PFKM: variants seen among roughly 807,000 people sequenced by gnomAD.
The protein encoded by PFKM is ATP-dependent 6-phosphofructokinase, muscle type.
In PFKM, 58 loss-of-function variants were observed where a neutral mutation model predicts 95.5. That is an observed-to-expected ratio of 0.61 (90% CI 0.49 to 0.76). The LOEUF is 0.76. PFKM is among the 30% of genes least tolerant of loss of function. The pLI, the probability that PFKM is intolerant of heterozygous loss-of-function variation, is 0.00. For synonymous variants in PFKM, 336 were observed against 357.2 expected (o/e 0.94, Z 0.67); for missense variants, 678 against 1,005.4 (o/e 0.67, Z 4.40).
intron 10 of PFKM, among the ~76,000 whole-genome samples, chr12:48,135,888 A>G (rs1950032906): frequency 6.6e-6 from 1 of 151,452 alleles, no homozygotes; most frequent in African/African-American, 2.4e-5. Context: ...CCTCATTATT[A>G]TTATTATTAT....
intron 3 of PFKM, among the ~76,000 whole-genome samples, chr12:48,109,155 A>G (rs1165856794): frequency 6.6e-6 from 1 of 152,214 alleles, no homozygotes; most frequent in African/African-American, 2.4e-5. Context: ...TAAGTTAAGA[A>G]CTTAATAATT....
chr12:48,119,500 G>A, intron 1 of PFKM, 94 bp downstream of exon 1: 1 of 708,596 alleles, frequency 1.4e-6, no homozygotes, highest in Non-Finnish European at 1.7e-6. Flanking sequence ...GAACTGAAAG[G>A]AGCAGAAAGG....
chr12:48,145,728 A>G lies in PFKM; in HGVS notation c.*20A>G. The G allele has an allele frequency of 6.2e-7, 1 of 1,612,984 alleles. No homozygotes were observed. The highest frequency in any genetic ancestry group is 1.1e-5 in the South Asian group (1 of 91,034). ...GTCTAAACCTCTCTGGAGTGAGGGG[A>G]ATAGATTACCTGATCATGGTCAGCT... On this transcript the variant is annotated 3_prime_UTR_variant, in exon 23 of 23. Transcript: ENST00000359794. The surrounding 1 kb of genome is among the most constrained non-coding windows in gnomAD (Gnocchi z 4.3).
chr12:48,138,268 G>T (rs1022444705), intron 11 of PFKM, among the ~76,000 whole-genome samples: 3 of 152,152 alleles, frequency 2.0e-5, no homozygotes, highest in Non-Finnish European at 4.4e-5. Flanking sequence ...CCAACACGAG[G>T]TTACTAATGC....
chr12:48,112,073 G>A (rs1177296003), intron 3 of PFKM, among the ~76,000 whole-genome samples: 3 of 152,134 alleles, frequency 2.0e-5, no homozygotes, highest in South Asian at 2.1e-4. Context: ...TACAGGGCGC[G>A]GTCCTGGCTT....
At chr12:48,107,817 G>T (rs1037505429) in intron 2 of PFKM, among the ~76,000 whole-genome samples, 2 of 152,136 alleles carry the variant, frequency 1.3e-5, no homozygotes, top group Non-Finnish European at 2.9e-5. Flanking sequence ...AAAACTATCA[G>T]ATAAATCAAG....
intron 2 of PFKM, among the ~76,000 whole-genome samples, chr12:48,129,408 C>G (rs910334892): frequency 6.6e-6 from 1 of 151,524 alleles, no homozygotes; most frequent in Non-Finnish European, 1.5e-5. Context: ...GAATGATTTA[C>G]AGTATACTTT....
chr12:48,113,290 CGTATTGATTAA>C (rs1947369187), intron 3 of PFKM, among the ~76,000 whole-genome samples: 1 of 152,032 alleles, frequency 6.6e-6, no homozygotes, highest in African/African-American at 2.4e-5. Context: ...GGGTAGCCTC[CGTATTGATTAA>C]GAAGGGGACG....
rs1425300055 is a variant in PFKM, at chr12:48,106,178, CA to C, written c.-10+42del. 5.7e-6 allele frequency: 4 copies of C among 699,282 alleles called. No individual in the cohort carries two copies. The African/African-American group carries it at 7.0e-5, about 12-fold the overall frequency. The allele number at this position is 699,282 out of a possible 1,614,324, so 43.3% of individuals were successfully genotyped here. A position where few individuals can be genotyped will look rare whatever the true frequency, so the allele number is the denominator to read the frequency against. Reference sequence around the variant, plus strand: ...GGGGCTGGGGCAGGAGGTCAAAGAACAGAGTTAAGGACCAGTGGGGCGCCTG... The same window carrying C: ...GGGGCTGGGGCAGGAGGTCAAAGAACGAGTTAAGGACCAGTGGGGCGCCTG... On this transcript the variant is annotated intron_variant, in intron 1 of 24. Coordinates refer to the PFKM transcript ENST00000340802.
At chr12:48,128,347 C>T (rs1476225487) in intron 2 of PFKM, among the ~76,000 whole-genome samples, 2 of 152,126 alleles carry the variant, frequency 1.3e-5, no homozygotes, top group South Asian at 2.1e-4. Flanking sequence ...TCAAGTGATC[C>T]TCCTGTCTCA....
Position 48,130,491 on chromosome 12 carries a change from C to T in PFKM, c.159+55C>T, listed in dbSNP as rs1949364606. The T allele has an allele frequency of 2.4e-6, 3 of 1,253,330 alleles. No individual in the cohort carries two copies. In the South Asian group the frequency reaches 3.6e-5, roughly 15 times the overall value. 77.6% of individuals were successfully genotyped at this position (1,253,330 alleles called of 1,614,324 possible). ...CTTTCTCTGTCTTCTTCTAAATCTGCCTTCTATCCCCTTCCCACATTCTGT... is the reference window on the plus strand; with the variant it reads ...CTTTCTCTGTCTTCTTCTAAATCTGTCTTCTATCCCCTTCCCACATTCTGT... On this transcript the variant is annotated intron_variant, in intron 3 of 22. Transcript: ENST00000359794.
intron 2 of PFKM, among the ~76,000 whole-genome samples, chr12:48,127,367 A>G (rs1948966953): frequency 2.0e-5 from 3 of 152,142 alleles, no homozygotes; most frequent in Admixed American, 2.0e-4. Flanking sequence ...CTCCACAAGA[A>G]CTTCAAACAG....
rs746515446 is a variant in PFKM, at chr12:48,135,260, C to T, written c.844-31C>T. 23 of 1,559,868 alleles carry T rather than the reference C, an allele frequency of 1.5e-5. No individual in the cohort carries two copies. The South Asian group carries it at 2.3e-4, about 16-fold the overall frequency. ...TTTTCTTCCTTTGACTCTGCGTAACCCTCTCTCTGTCCCTCTGTTGGTCCC... is the reference window on the plus strand; with the variant it reads ...TTTTCTTCCTTTGACTCTGCGTAACTCTCTCTCTGTCCCTCTGTTGGTCCC... On this transcript the variant is annotated intron_variant, in intron 9 of 22. Transcript: ENST00000359794.
chr12:48,126,625 A>C (rs749624262), intron 2 of PFKM, among the ~76,000 whole-genome samples: 2 of 152,230 alleles, frequency 1.3e-5, no homozygotes, highest in Non-Finnish European at 2.9e-5. Flanking sequence ...GTATACCAAC[A>C]GGATTGCATT....
intron 3 of PFKM, among the ~76,000 whole-genome samples, chr12:48,112,830 G>A (rs1000984637): frequency 3.3e-5 from 5 of 151,646 alleles, no homozygotes; most frequent in East Asian, 1.9e-4. Context: ...TGTAACAGGT[G>A]AGTGATAACA....
intron 1 of PFKM, chr12:48,106,442 A>C (rs1478235979): frequency 9.9e-6 from 4 of 402,272 alleles, no homozygotes; most frequent in Non-Finnish European, 1.8e-5. Context: ...GGTGGCCCTA[A>C]ATCTGCGGAA....
chr12:48,143,708 T>G, intron 18 of PFKM, 45 bp from the exon 19 acceptor site: 2 of 1,397,326 alleles, frequency 1.4e-6, no homozygotes, highest in Non-Finnish European at 2.0e-6. Flanking sequence ...ATACCCAACC[T>G]TATCCATTCC....
At chr12:48,110,760 C>G (rs1055253795) in intron 3 of PFKM, among the ~76,000 whole-genome samples, 10 of 152,174 alleles carry the variant, frequency 6.6e-5, no homozygotes, top group African/African-American at 1.9e-4. Flanking sequence ...GGCAGGGAAG[C>G]AGCTGCTGTT....
upstream of PFKM, chr12:48,118,608 C>A (rs1327909672): frequency 1.7e-6 from 2 of 1,151,640 alleles, no homozygotes; most frequent in South Asian, 1.3e-5. Flanking sequence ...GCACCTCTTG[C>A]TCTGGGAGCA....
Sources: allele counts gnomAD v4.1 joint callset (sites outside exome capture counted in the v4.1 genomes callset), GRCh38; gene constraint gnomAD v4.1.1; non-coding constraint Gnocchi (gnomAD v3.1); transcripts MANE v1.5; gene names NCBI Gene and HGNC (gene_info 2026-07-23, HGNC 2026-07-21).